Variants in SLC8A1 observed in about 807,000 individuals in gnomAD.
The protein encoded by SLC8A1 is solute carrier family 8 member A1, also known as sodium/calcium exchanger 1.
Under a neutral mutation model 68.3 loss-of-function variants are expected in SLC8A1, and 18 were observed. That is an observed-to-expected ratio of 0.26 (90% CI 0.18 to 0.39). The LOEUF is 0.39. Among genes scored for constraint, SLC8A1 ranks in the 10% least tolerant of loss-of-function variants. The probability of loss-of-function intolerance (pLI) is 1.00; values close to 1 mark genes in which losing one functional copy is unlikely to be tolerated. For synonymous variants in SLC8A1, 475 were observed against 415.5 expected, an observed-to-expected ratio of 1.14 and a Z score of -1.74; for missense variants, 985 against 1,156.7, an observed-to-expected ratio of 0.85 and a Z score of 2.15.
intron 6 of SLC8A1, among the ~76,000 whole-genome samples, chr2:40,156,780 CTT>C (rs1370588954): frequency 1.3e-5 from 2 of 151,972 alleles, no homozygotes; most frequent in African/African-American, 4.8e-5. Flanking sequence ...GTATCTTTGT[CTT>C]TGTATGTGTG....
intron 6 of SLC8A1, among the ~76,000 whole-genome samples, chr2:40,148,115 G>C (rs1214922305): frequency 2.0e-5 from 3 of 152,204 alleles, no homozygotes; most frequent in Admixed American, 6.5e-5. Context: ...TTTATGAAAA[G>C]TGTAATTGGG....
chr2:40,224,482 A>G (rs1295968006), intron 2 of SLC8A1, among the ~76,000 whole-genome samples: 1 of 152,098 alleles, frequency 6.6e-6, no homozygotes, highest in African/African-American at 2.4e-5. Context: ...GAATGATTTA[A>G]TGTGTTCTTG....
At chr2:40,272,430 C>T (rs540419773) in intron 2 of SLC8A1, among the ~76,000 whole-genome samples, 2 of 152,240 alleles carry the variant, frequency 1.3e-5, no homozygotes, top group East Asian at 3.9e-4. Context: ...CTCTTTTTTC[C>T]ATCTGAATTC....
At chr2:40,103,534 C>T (rs2034022853) in exon 8 of SLC8A1, 1 of 152,106 alleles carries the variant, frequency 6.6e-6, no homozygotes, top group Non-Finnish European at 1.5e-5. Context: ...GTTTGTAATT[C>T]ACATACTTTA....
Position 40,465,714 on chromosome 2 carries a change from G to A in SLC8A1, c.-24-35410C>T, listed in dbSNP as rs1416893745. ...ATTCGTAATTTTATTTCAGAATAAGGTGCGATAGCGTATTTTTTTATACAA... is the reference window on the plus strand; with the variant it reads ...ATTCGTAATTTTATTTCAGAATAAGATGCGATAGCGTATTTTTTTATACAA... On this transcript the variant is annotated intron_variant, in intron 1 of 7. Coordinates refer to the SLC8A1 transcript ENST00000402441. 2.6e-5 allele frequency among the ~76,000 whole-genome samples: 4 copies of A among 152,082 alleles called. No individual in the cohort carries two copies. In the East Asian group the frequency reaches 7.7e-4, roughly 29 times the overall value.
intron 2 of SLC8A1, among the ~76,000 whole-genome samples, chr2:40,414,812 G>C (rs532240854): frequency 6.6e-6 from 1 of 152,110 alleles, no homozygotes; most frequent in South Asian, 2.1e-4. Flanking sequence ...TATGCCTACA[G>C]ATCAATATTG....
rs542586641 is a variant in SLC8A1, at chr2:40,212,632, T to A, written c.1809-34777A>T. Among the ~76,000 whole-genome samples, 3 of 152,282 alleles carry A rather than the reference T, an allele frequency of 2.0e-5. No homozygotes were observed. The East Asian group carries it at 5.8e-4, about 29-fold the overall frequency. On this transcript the variant is annotated intron_variant, in intron 2 of 7. Coordinates refer to ENST00000406785, the Ensembl canonical transcript of SLC8A1. ...AGGGATCCTGTTGTTTCTCTTCAGA[T>A]CTATAAATCTGCTGCCTTCTGAAGG... is the stretch of plus-strand genomic sequence containing the variant.
chr2:40,286,970 C>A (rs76626086), intron 2 of SLC8A1, among the ~76,000 whole-genome samples: 2,684 of 152,302 alleles, frequency 0.018, 75 homozygotes, highest in African/African-American at 0.061. Context: ...CAATTTGAGA[C>A]ATGGAGTTAG....
rs756970142 is a variant in SLC8A1, at chr2:40,451,737, TCACACACACACACACACA to T, written c.-25+149_-25+166del. Among the ~76,000 whole-genome samples, 111 of 133,744 alleles carry T rather than the reference TCACACACACACACACACA, an allele frequency of 8.3e-4. No individual in the cohort carries two copies. The East Asian group carries it at 0.015, about 18-fold the overall frequency. 87.7% of individuals were successfully genotyped at this position (133,744 alleles called of 152,430 possible). A position where few individuals can be genotyped will look rare whatever the true frequency, so the allele number is the denominator to read the frequency against. On this transcript the variant is annotated intron_variant, in intron 1 of 7. Coordinates refer to ENST00000406785, the Ensembl canonical transcript of SLC8A1. Reference sequence around the variant, plus strand: ...AATGTGCAGGCGCGCACACACCACATCACACACACACACACACACACACACACACACACACACACACAC... The same window carrying T: ...AATGTGCAGGCGCGCACACACCACATCACACACACACACACACACACACAC...
rs374407377 is a variant in SLC8A1 at position 40,302,031 on chromosome 2, CTGTGTGTGTG to C, written c.1809-124186_1809-124177del. ...GCACCTGCCACCACACCGGGCTAAT[CTGTGTGTGTG>C]TGTGTGTGTGTGTGTGTGTGTGTGT... On this transcript the variant is annotated intron_variant, in intron 2 of 7. Transcript: ENST00000406785. Among the ~76,000 whole-genome samples the C allele has an allele frequency of 6.8e-3, 898 of 132,318 alleles. 4 individuals carry two copies. The highest frequency in any genetic ancestry group is 0.011 in the Non-Finnish European group (691 of 62,964). The allele number at this position is 132,318 out of a possible 152,430, so 86.8% of individuals were successfully genotyped here.
intron 2 of SLC8A1, among the ~76,000 whole-genome samples, chr2:40,290,232 A>G (rs1253332840): frequency 6.6e-6 from 1 of 151,936 alleles, no homozygotes; most frequent in Non-Finnish European, 1.5e-5. Context: ...TGGGAAACGC[A>G]GTACGAAAGG....
At chr2:40,206,111 T>G (rs2055391445) in intron 2 of SLC8A1, among the ~76,000 whole-genome samples, 1 of 152,010 alleles carries the variant, frequency 6.6e-6, no homozygotes, top group South Asian at 2.1e-4. Context: ...AACACTAAAG[T>G]TCTACTTCAC....
intron 1 of SLC8A1, among the ~76,000 whole-genome samples, chr2:40,445,071 T>C (rs191877466): frequency 6.6e-6 from 1 of 152,212 alleles, no homozygotes; most frequent in Non-Finnish European, 1.5e-5. Flanking sequence ...TGAGCACCCA[T>C]GTGTCAGAAA....
intron 2 of SLC8A1, among the ~76,000 whole-genome samples, chr2:40,364,516 T>TTG (rs1553538026): frequency 5.3e-5 from 8 of 151,534 alleles, no homozygotes; most frequent in African/African-American, 1.9e-4. Context: ...ATCCTTTTTT[T>TTG]TTGTTGTTGT....
intron 2 of SLC8A1, among the ~76,000 whole-genome samples, chr2:40,187,181 C>T (rs2050852153): frequency 6.6e-6 from 1 of 152,158 alleles, no homozygotes; most frequent in African/African-American, 2.4e-5. Flanking sequence ...GAATCCGAAA[C>T]TCAAGAACGC....
intron 7 of SLC8A1, among the ~76,000 whole-genome samples, chr2:40,115,938 TCA>T (rs1221772992): frequency 6.6e-6 from 1 of 152,164 alleles, no homozygotes; most frequent in East Asian, 1.9e-4. Flanking sequence ...CAGAAAGTAG[TCA>T]CAGCTCACCT....
intron 2 of SLC8A1, among the ~76,000 whole-genome samples, chr2:40,359,930 T>C (rs1236996060): frequency 9.4e-6 from 1 of 105,940 alleles, no homozygotes; most frequent in Non-Finnish European, 2.2e-5. Context: ...AGAGTTTAAC[T>C]TAAAAAAAAA....
intron 2 of SLC8A1, among the ~76,000 whole-genome samples, chr2:40,227,281 C>T (rs1317393905): frequency 6.6e-6 from 1 of 152,114 alleles, no homozygotes; most frequent in Non-Finnish European, 1.5e-5. Flanking sequence ...AATAGAATAT[C>T]TTCCCTACTG....
chr2:40,117,551 T>C (rs1428807016), intron 7 of SLC8A1, among the ~76,000 whole-genome samples: 1 of 144,310 alleles, frequency 6.9e-6, no homozygotes, highest in Non-Finnish European at 1.5e-5. Context: ...GGCAACAGAG[T>C]GAGACTCCAT....
Sources: allele counts gnomAD v4.1 joint callset (sites outside exome capture counted in the v4.1 genomes callset), GRCh38; gene constraint gnomAD v4.1.1; transcripts MANE v1.5; gene names NCBI Gene and HGNC (gene_info 2026-07-23, HGNC 2026-07-21).